The following PLEKHA8 variants were observed in gnomAD, a reference collection of about 807,000 sequenced individuals.
The protein encoded by PLEKHA8 is pleckstrin homology domain containing A8, also known as pleckstrin homology domain-containing family A member 8.
In PLEKHA8, 36 loss-of-function variants were observed where a neutral mutation model predicts 68.2. The ratio of observed to expected loss-of-function variants is 0.53; its 90% CI spans 0.40 to 0.70. The LOEUF is 0.70. Among genes scored for constraint, PLEKHA8 ranks in the 30% least tolerant of loss-of-function variants. The pLI, the probability that PLEKHA8 is intolerant of heterozygous loss-of-function variation, is 0.00. For missense variants in PLEKHA8, 505 were observed against 615.4 expected (o/e 0.82, Z 1.90); for synonymous variants, 211 against 216.1 (o/e 0.98, Z 0.20).
chr7:30,039,439 C>A (rs149501652), intron 1 of PLEKHA8, among the ~76,000 whole-genome samples: 1 of 152,254 alleles, frequency 6.6e-6, no homozygotes, highest in South Asian at 2.1e-4. Flanking sequence ...CGCTTGAACT[C>A]GGGAGGCGGA....
chr7:30,079,001 A>G lies in PLEKHA8; in HGVS notation c.*214A>G. 7.6e-7 allele frequency: 1 copy of G among 1,321,318 alleles called. No individual in the cohort carries two copies. Among genetic ancestry groups the G allele is most frequent in the Non-Finnish European group, 9.6e-7 (1 of 1,037,700 alleles). 81.8% of individuals were successfully genotyped at this position (1,321,318 alleles called of 1,614,324 possible). A position where few individuals can be genotyped will look rare whatever the true frequency, so the allele number is the denominator to read the frequency against. On this transcript the variant is annotated 3_prime_UTR_variant, in exon 14 of 14. Transcript: ENST00000449726. The stretch of plus-strand genomic sequence containing the variant: ...CTATATATTTCAGTTCAGCAGGCCT[A>G]CTGGAAACCAAATGATAAGCTGCTG...
intron 13 of PLEKHA8, among the ~76,000 whole-genome samples, chr7:30,124,451 A>C (rs1211603737): frequency 2.0e-5 from 3 of 152,228 alleles, no homozygotes; most frequent in African/African-American, 7.2e-5. Flanking sequence ...AATGTAGGAC[A>C]AACTTGGAAA....
chr7:30,041,846 T>G (rs1460965194), intron 1 of PLEKHA8, among the ~76,000 whole-genome samples: 2 of 152,186 alleles, frequency 1.3e-5, no homozygotes, highest in Non-Finnish European at 2.9e-5. Flanking sequence ...TCAACAACTC[T>G]GAAATCAAGA....
intron 12 of PLEKHA8, among the ~76,000 whole-genome samples, chr7:30,070,670 C>T (rs887911625): frequency 3.3e-5 from 5 of 151,782 alleles, no homozygotes; most frequent in Non-Finnish European, 5.9e-5. Context: ...CTCAGTCTCC[C>T]GAGTAGCTGG....
intron 13 of PLEKHA8, among the ~76,000 whole-genome samples, chr7:30,099,477 C>T (rs1243144376): frequency 6.6e-6 from 1 of 152,158 alleles, no homozygotes. Flanking sequence ...TAGGTGAAGG[C>T]GAGGCACAAA....
rs562404198 is a variant in PLEKHA8 at position 30,129,280 on chromosome 7, G to T, written c.*9G>T. ...TCCTGGTGTAGGTGTAGGAATGTGG[G>T]TGTAGACGGAACTCCAGAAACCATC... On this transcript the variant is annotated 3_prime_UTR_variant, in exon 14 of 14. Transcript: ENST00000396257. 2.2e-5 allele frequency: 35 copies of T among 1,612,760 alleles called. 1 individual carries two copies. In the South Asian group the frequency reaches 3.5e-4, roughly 16 times the overall value.
chr7:30,101,009 G>A (rs933106853), intron 13 of PLEKHA8, among the ~76,000 whole-genome samples: 4 of 152,050 alleles, frequency 2.6e-5, no homozygotes, highest in Non-Finnish European at 5.9e-5. Flanking sequence ...GGCCAACATG[G>A]TGAAACCCCG....
intron 13 of PLEKHA8, among the ~76,000 whole-genome samples, chr7:30,101,889 T>C (rs988812670): frequency 4.6e-5 from 7 of 152,256 alleles, no homozygotes; most frequent in South Asian, 2.1e-4. Flanking sequence ...CAGGTAGATA[T>C]GACACTAAAA....
At chr7:30,069,314 C>T (rs1382511172) in intron 12 of PLEKHA8, among the ~76,000 whole-genome samples, 1 of 152,226 alleles carries the variant, frequency 6.6e-6, no homozygotes, top group East Asian at 1.9e-4. Flanking sequence ...TTCCTCAGCC[C>T]AGTGAGTAAT....
intron 13 of PLEKHA8, among the ~76,000 whole-genome samples, chr7:30,120,343 G>T (rs111733065): frequency 2.0e-5 from 3 of 152,264 alleles, no homozygotes; most frequent in Non-Finnish European, 4.4e-5. Context: ...GGAAAGTAAC[G>T]TACAAAAAAG....
intron 1 of PLEKHA8, among the ~76,000 whole-genome samples, chr7:30,033,861 C>T (rs538527930): frequency 6.6e-6 from 1 of 151,980 alleles, no homozygotes; most frequent in Non-Finnish European, 1.5e-5. Context: ...AATGATATCT[C>T]ATGGTTTTGA....
At chr7:30,060,735 G>C in intron 9 of PLEKHA8, 149 bp from the exon 10 acceptor site, 1 of 633,858 alleles carries the variant, frequency 1.6e-6, no homozygotes, top group Non-Finnish European at 2.7e-6. Context: ...TAGTATCCTG[G>C]GAGCTTTTGA....
intron 1 of PLEKHA8, among the ~76,000 whole-genome samples, chr7:30,031,534 T>C (rs759122682): frequency 1.3e-5 from 2 of 151,708 alleles, no homozygotes; most frequent in Non-Finnish European, 2.9e-5. Context: ...CTGAGGAGAG[T>C]GAGGCTCCAA....
chr7:30,032,642 A>G (rs1790751701), intron 1 of PLEKHA8, among the ~76,000 whole-genome samples: 1 of 152,232 alleles, frequency 6.6e-6, no homozygotes, highest in Middle Eastern at 3.2e-3. Context: ...TAGCTGATTC[A>G]TAATGTACCT....
In PLEKHA8 at chr7:30,079,873, T is replaced by C; in HGVS notation, c.*1086T>C. The C allele has an allele frequency of 2.0e-6, 2 of 975,624 alleles. No individual in the cohort carries two copies. The highest frequency in any genetic ancestry group is 2.4e-6 in the Non-Finnish European group (2 of 821,118). The allele number at this position is 975,624 out of a possible 1,614,324, so 60.4% of individuals were successfully genotyped here. On this transcript the variant is annotated 3_prime_UTR_variant, in exon 14 of 14. Transcript: ENST00000449726. ...ATTCTAGTTTACAAAATTACCAGTT[T>C]TCTTCAAGAACTAAATGATATGTCC... is the stretch of plus-strand genomic sequence containing the variant.
intron 1 of PLEKHA8, among the ~76,000 whole-genome samples, chr7:30,041,096 C>T (rs901282361): frequency 2.6e-5 from 4 of 152,174 alleles, no homozygotes; most frequent in African/African-American, 9.7e-5. Flanking sequence ...CATTCCTGGG[C>T]TGTATCCCAG....
chr7:30,034,660 T>C (rs1790927605), intron 1 of PLEKHA8, among the ~76,000 whole-genome samples: 1 of 152,148 alleles, frequency 6.6e-6, no homozygotes, highest in Non-Finnish European at 1.5e-5. Context: ...TGTCTTCACA[T>C]TGAGGAGGCA....
At chr7:30,067,972 T>C (rs908435161) in intron 12 of PLEKHA8, among the ~76,000 whole-genome samples, 2 of 152,252 alleles carry the variant, frequency 1.3e-5, no homozygotes, top group African/African-American at 2.4e-5. Context: ...TGGAAAATTA[T>C]GTCCAGACAG....
At chr7:30,075,977 C>CT (rs1794587913) in intron 13 of PLEKHA8, among the ~76,000 whole-genome samples, 1 of 151,594 alleles carries the variant, frequency 6.6e-6, no homozygotes, top group African/African-American at 2.4e-5. Flanking sequence ...CCATATTTTC[C>CT]TTTTTTAACA....
Sources: allele counts gnomAD v4.1 joint callset (sites outside exome capture counted in the v4.1 genomes callset), GRCh38; gene constraint gnomAD v4.1.1; transcripts MANE v1.5; gene names NCBI Gene and HGNC (gene_info 2026-07-23, HGNC 2026-07-21).